Variants in PSMD11 observed in about 807,000 individuals in gnomAD.
PSMD11 encodes the protein 26S proteasome non-ATPase regulatory subunit 11.
PSMD11 carries 5 observed loss-of-function variants against 62.3 expected under a neutral mutation model. That is an observed-to-expected ratio of 0.08 (90% CI 0.04 to 0.17). PSMD11 has a LOEUF of 0.17. PSMD11 is among the 10% of genes least tolerant of loss of function. The pLI is 1.00. For synonymous variants in PSMD11, 191 were observed against 191.8 expected, an observed-to-expected ratio of 1.00 and a Z score of 0.03; for missense variants, 310 against 512.9, an observed-to-expected ratio of 0.60 and a Z score of 3.82.
At chr17:32,461,225 ACAC>A (rs1419538298) in intron 3 of PSMD11, among the ~76,000 whole-genome samples, 1 of 151,760 alleles carries the variant, frequency 6.6e-6, no homozygotes, top group African/African-American at 2.4e-5. Flanking sequence ...TTACAGGTGC[ACAC>A]CACCACACCC....
At chr17:32,469,561 T>C (rs1470997654) in intron 6 of PSMD11, among the ~76,000 whole-genome samples, 1 of 152,234 alleles carries the variant, frequency 6.6e-6, no homozygotes, top group Non-Finnish European at 1.5e-5. Flanking sequence ...TGGTTGACTT[T>C]TCCAAAGGGC....
chr17:32,463,928 GA>G (rs1849902544), intron 3 of PSMD11, 120 bp from the exon 4 acceptor site: 4 of 903,458 alleles, frequency 4.4e-6, no homozygotes, highest in Non-Finnish European at 7.3e-6. Context: ...CTGTGGATCA[GA>G]CACTAAATAG....
At chr17:32,474,121 C>T (rs1285146771) in intron 7 of PSMD11, 176 bp downstream of exon 7, 1 of 651,288 alleles carries the variant, frequency 1.5e-6, no homozygotes, top group Non-Finnish European at 2.6e-6. Flanking sequence ...AAAACTTTCG[C>T]TTGCTAGTCT....
At chr17:32,460,645 C>T (rs978422478) in intron 3 of PSMD11, among the ~76,000 whole-genome samples, 1 of 151,450 alleles carries the variant, frequency 6.6e-6, no homozygotes, top group Non-Finnish European at 1.5e-5. Context: ...TGGTGGCGGG[C>T]GCCTGAAGTC....
intron 3 of PSMD11, among the ~76,000 whole-genome samples, 189 bp from the exon 4 acceptor site, chr17:32,463,860 T>G (rs973460378): frequency 6.6e-6 from 1 of 152,200 alleles, no homozygotes; most frequent in African/African-American, 2.4e-5. Flanking sequence ...AAAAATATTT[T>G]ATGTGTAAAA....
chr17:32,479,148 A>G (rs552798198), intron 9 of PSMD11, 103 bp from the exon 10 acceptor site: 12 of 1,419,564 alleles, frequency 8.5e-6, no homozygotes, highest in Non-Finnish European at 1.1e-5. Context: ...ACTTCATTCA[A>G]CCATGTAGTT....
chr17:32,463,325 G>A (rs1271065683), intron 3 of PSMD11: 1 of 151,980 alleles, frequency 6.6e-6, no homozygotes, highest in East Asian at 1.9e-4. Context: ...GCGCTTTTAC[G>A]TGTTAGGCTA....
At chr17:32,448,255 A>C (rs998608386) in intron 2 of PSMD11, among the ~76,000 whole-genome samples, 4 of 152,150 alleles carry the variant, frequency 2.6e-5, no homozygotes, top group Non-Finnish European at 4.4e-5. Flanking sequence ...AAGATGTATG[A>C]AATTGTGAGG....
At position 32,464,490 on chromosome 17, in the gene PSMD11, C is replaced by T. The variant is rs748940615; in HGVS notation, c.391-31C>T. On this transcript the variant is annotated intron_variant, in intron 4 of 13. Transcript: ENST00000261712. ...ATTTCTTTCTGTGGCTTTTTCCCCCCCCTTCAATCAATGCCTTTTCTCTTT... is the reference window on the plus strand; with the variant it reads ...ATTTCTTTCTGTGGCTTTTTCCCCCTCCTTCAATCAATGCCTTTTCTCTTT... 41 of 1,534,036 alleles carry T rather than the reference C, an allele frequency of 2.7e-5. No homozygotes were observed. In the Admixed American group the frequency reaches 5.3e-4, roughly 20 times the overall value.
intron 3 of PSMD11, among the ~76,000 whole-genome samples, chr17:32,462,916 G>T (rs538176378): frequency 6.6e-6 from 1 of 152,128 alleles, no homozygotes; most frequent in Non-Finnish European, 1.5e-5. Context: ...TTGAACTCCC[G>T]ACCTCAGGTG....
At chr17:32,464,426 C>A (rs1270582335) in intron 4 of PSMD11, 95 bp from the exon 5 acceptor site, 9 of 1,013,268 alleles carry the variant, frequency 8.9e-6, no homozygotes, top group Non-Finnish European at 1.3e-5. Flanking sequence ...TCAGAAATTG[C>A]ATATTTAACA....
intron 3 of PSMD11, among the ~76,000 whole-genome samples, chr17:32,457,008 A>T (rs1907672663): frequency 6.6e-6 from 1 of 152,166 alleles, no homozygotes. Flanking sequence ...CTTTGTGGAA[A>T]TCCATTCAAG....
At chr17:32,478,454 C>T (rs1908393857) in intron 9 of PSMD11, among the ~76,000 whole-genome samples, 1 of 152,200 alleles carries the variant, frequency 6.6e-6, no homozygotes, top group Admixed American at 6.5e-5. Context: ...AAATCACACA[C>T]ATGAATACTT....
At position 32,480,368 on chromosome 17, in the gene PSMD11, A is replaced by C. The variant is rs925859151; in HGVS notation, c.1127-121A>C. ...ATAAGCATGTGTACATGGAATAGGG[A>C]GATGAATTCTATTTCCCTTCTTTTC... On this transcript the variant is annotated intron_variant, in intron 12 of 13. Coordinates refer to ENST00000261712, the MANE Select transcript of PSMD11 (RefSeq NM_002815.4). The C allele has an allele frequency of 3.4e-6, 5 of 1,458,514 alleles. No homozygotes were observed. The African/African-American group carries it at 7.0e-5, about 20-fold the overall frequency. The allele number at this position is 1,458,514 out of a possible 1,614,324, so 90.3% of individuals were successfully genotyped here. A position where few individuals can be genotyped will look rare whatever the true frequency, so the allele number is the denominator to read the frequency against.
In PSMD11 at chr17:32,449,362, A is replaced by G. The variant is rs137974817; in HGVS notation, c.193+2316A>G. 1.4e-4 allele frequency among the ~76,000 whole-genome samples: 21 copies of G among 152,334 alleles called. No homozygotes were observed. In the East Asian group the frequency reaches 3.9e-3, roughly 28 times the overall value. ...TGAGGCTGTAGTGAGCTATGGTCAC[A>G]CTGCCGTGCTCTAGCCTGGGTGACA... On this transcript the variant is annotated intron_variant, in intron 2 of 13. Coordinates refer to ENST00000261712, the MANE Select transcript of PSMD11 (RefSeq NM_002815.4).
At chr17:32,447,145 C>A in intron 2 of PSMD11, 99 bp downstream of exon 2, 1 of 917,470 alleles carries the variant, frequency 1.1e-6, no homozygotes, top group Non-Finnish European at 1.6e-6. Flanking sequence ...CTGAATTCAG[C>A]TTTATTTTCT....
At chr17:32,477,465 G>T in intron 8 of PSMD11, 56 bp from the exon 9 acceptor site, 1 of 1,455,744 alleles carries the variant, frequency 6.9e-7, no homozygotes, top group Non-Finnish European at 9.4e-7. Context: ...ATGAGACTTG[G>T]GTAAATGTTA....
At chr17:32,477,459 G>A in intron 8 of PSMD11, 62 bp from the exon 9 acceptor site, 1 of 1,422,798 alleles carries the variant, frequency 7.0e-7, no homozygotes, top group African/African-American at 1.4e-5. Flanking sequence ...CTGCTTATGA[G>A]ACTTGGGTAA....
chr17:32,446,867 A>G, intron 1 of PSMD11, 78 bp from the exon 2 acceptor site: 3 of 831,390 alleles, frequency 3.6e-6, no homozygotes, highest in Non-Finnish European at 3.7e-6. Flanking sequence ...TTTGTAATGG[A>G]TCTTATGAGG....
Sources: gnomAD v4.1 joint callset for allele counts (sites outside exome capture counted in the v4.1 genomes callset) on GRCh38, gnomAD v4.1.1 for gene constraint, MANE v1.5 for transcripts, NCBI Gene and HGNC (gene_info 2026-07-23, HGNC 2026-07-21) for gene names.